UGT3A2: variants seen among roughly 807,000 people sequenced by gnomAD.
The protein encoded by UGT3A2 is UDP glycosyltransferase family 3 member A2.
Under a neutral mutation model 39.8 loss-of-function variants are expected in UGT3A2, and 32 were observed. The ratio of observed to expected loss-of-function variants is 0.80; its 90% CI spans 0.61 to 1.08. The LOEUF (loss-of-function observed/expected upper bound fraction) is 1.08. UGT3A2 is among the 50% of genes least tolerant of loss of function. The pLI is 0.00. For missense variants in UGT3A2, 611 were observed against 637.1 expected, an observed-to-expected ratio of 0.96 and a Z score of 0.44; for synonymous variants, 241 against 230.7, an observed-to-expected ratio of 1.04 and a Z score of -0.40.
chr5:36,055,581 T>G (rs996966092), intron 2 of UGT3A2, among the ~76,000 whole-genome samples: 1 of 152,174 alleles, frequency 6.6e-6, no homozygotes, highest in Admixed American at 6.5e-5. Flanking sequence ...AGTGTCTAGA[T>G]GTTCACCTCA....
At chr5:36,061,002 A>C (rs1445413778) in intron 2 of UGT3A2, among the ~76,000 whole-genome samples, 1 of 151,728 alleles carries the variant, frequency 6.6e-6, no homozygotes. Flanking sequence ...CTAAAAATAC[A>C]AAAAAATTAG....
rs1338252056 is a variant in UGT3A2 at position 36,048,913 on chromosome 5, T to G, written c.819A>C (p.Glu273Asp). Residue 273 changes from glutamate (E) to aspartate (D), a missense_variant, in exon 4 of 7, where the codon GAA becomes GAC. Physicochemically the swap from Glu to Asp is conservative, Grantham distance 45 (BLOSUM62 2). Transcript: ENST00000282507. Reference protein sequence around the residue: ...PNTVYVGGLMEKPIKPVPQDL... With the variant: ...PNTVYVGGLMDKPIKPVPQDL... ...CTTGTGGTACTGGTTTAATAGGTTT[T>G]TCCATCAAGCCTCCAACATAAACAG... 1.2e-6 allele frequency: 2 copies of G among 1,613,952 alleles called. No individual in the cohort carries two copies. The highest frequency in any genetic ancestry group is 1.7e-6 in the Non-Finnish European group (2 of 1,179,970).
At chr5:36,051,838 C>A in intron 3 of UGT3A2, 32 bp downstream of exon 3, 13 of 1,493,030 alleles carry the variant, frequency 8.7e-6, no homozygotes, top group Non-Finnish European at 1.2e-5. Flanking sequence ...AAAATGGTGA[C>A]CTTTTTGTTC....
intron 2 of UGT3A2, among the ~76,000 whole-genome samples, chr5:36,053,802 T>G (rs1292499859): frequency 6.6e-6 from 1 of 152,226 alleles, no homozygotes; most frequent in Non-Finnish European, 1.5e-5. Flanking sequence ...ATCCATTTTC[T>G]TGCCTTTTCC....
intron 6 of UGT3A2, among the ~76,000 whole-genome samples, chr5:36,036,908 T>G (rs2111684391): frequency 6.6e-6 from 1 of 152,362 alleles, no homozygotes; most frequent in African/African-American, 2.4e-5. Context: ...ATGAGATCAC[T>G]GTGCTGGATA....
In UGT3A2 at chr5:36,050,091, GTTA is replaced by G. The variant is rs376432597; in HGVS notation, c.312-674_312-672del. On this transcript the variant is annotated intron_variant, in intron 3 of 6. Transcript: ENST00000282507. ...ATTCCTTTATTATTGACTTTTATTCGTTATTGTTATTTTACATATTTTATATAT... is the reference window on the plus strand; with the variant it reads ...ATTCCTTTATTATTGACTTTTATTCGTTGTTATTTTACATATTTTATATAT... 9.6e-3 allele frequency among the ~76,000 whole-genome samples: 1,435 copies of G among 149,314 alleles called. 11 individuals carry two copies. Among genetic ancestry groups the G allele is most frequent in the African/African-American group, 0.033 (1,347 of 40,952 alleles).
chr5:36,061,425 G>A (rs868234685), intron 2 of UGT3A2, among the ~76,000 whole-genome samples: 2,594 of 126,512 alleles, frequency 0.021, 71 homozygotes, highest in African/African-American at 0.077. Flanking sequence ...AGAGTGTGAT[G>A]TTCCCCTTCC....
intron 3 of UGT3A2, 44 bp downstream of exon 3, chr5:36,051,825 AT>A (rs1378077580): frequency 7.1e-7 from 1 of 1,409,286 alleles, no homozygotes; most frequent in East Asian, 2.3e-5. Flanking sequence ...CATTTGTATT[AT>A]GAAAATGGTG....
At position 36,051,274 on chromosome 5, in the gene UGT3A2, G is replaced by A. The variant is rs553906522; in HGVS notation, c.311+596C>T. On this transcript the variant is annotated intron_variant, in intron 3 of 6. Coordinates refer to ENST00000282507, the MANE Select transcript of UGT3A2 (RefSeq NM_174914.4). ...CCTCTTTTATGTCTAAGATTAAAAA[G>A]TTATGTGTTCCTTCCCATCGAGATT... 2.6e-5 allele frequency among the ~76,000 whole-genome samples: 4 copies of A among 152,228 alleles called. No homozygotes were observed. In the East Asian group the frequency reaches 7.7e-4, roughly 29 times the overall value.
At chr5:36,045,480 C>A (rs1742138803) in intron 4 of UGT3A2, among the ~76,000 whole-genome samples, 1 of 151,884 alleles carries the variant, frequency 6.6e-6, no homozygotes, top group Non-Finnish European at 1.5e-5. Flanking sequence ...GTAATCCCAG[C>A]TGCTCGGGAG....
chr5:36,050,085 T>A (rs1036185707), intron 3 of UGT3A2, among the ~76,000 whole-genome samples: 1 of 150,236 alleles, frequency 6.7e-6, no homozygotes, highest in Non-Finnish European at 1.5e-5. Flanking sequence ...TTATTGACTT[T>A]TATTCGTTAT....
intron 4 of UGT3A2, 141 bp downstream of exon 4, chr5:36,048,748 C>T (rs1742243493): frequency 8.0e-7 from 1 of 1,244,872 alleles, no homozygotes; most frequent in Non-Finnish European, 1.1e-6. Context: ...AAACTCATCA[C>T]TTCCTTTAAA....
intron 3 of UGT3A2, 45 bp from the exon 4 acceptor site, chr5:36,049,465 T>C (rs764272205): frequency 5.7e-6 from 8 of 1,404,070 alleles, no homozygotes; most frequent in Middle Eastern, 1.8e-4. Flanking sequence ...AAGTGTTAAA[T>C]TTACAGTACA....
In UGT3A2 at chr5:36,046,934, C is replaced by G. The variant is rs552189538; in HGVS notation, c.843+1955G>C. Among the ~76,000 whole-genome samples the G allele has an allele frequency of 2.6e-5, 4 of 152,248 alleles. No individual in the cohort carries two copies. The East Asian group carries it at 7.7e-4, about 29-fold the overall frequency. On this transcript the variant is annotated intron_variant, in intron 4 of 6. Coordinates refer to ENST00000282507, the MANE Select transcript of UGT3A2 (RefSeq NM_174914.4). ...GAAAGGAAAATAAATCTCAGGATCCCCAAATCTAAGCCAAAGAGAAAAGTC... is the reference window on the plus strand; with the variant it reads ...GAAAGGAAAATAAATCTCAGGATCCGCAAATCTAAGCCAAAGAGAAAAGTC...
chr5:36,058,370 G>A (rs1284623957), intron 2 of UGT3A2, among the ~76,000 whole-genome samples: 1 of 152,138 alleles, frequency 6.6e-6, no homozygotes, highest in Admixed American at 6.5e-5. Context: ...AAGGTGGAGG[G>A]TAATGGGGCG....
At position 36,039,487 on chromosome 5, in the gene UGT3A2, A is replaced by G; in HGVS notation, c.1065T>C (p.Ser355=). ...NVKIVDWLPQ[S]DLLAHPSIRL... is the part of the protein sequence containing the mutation. ...CTGGGCAGCCCTTACCCAGGAGGTC[A>G]CTCTGAGGAAGCCAGTCCACAATTT... The change falls in exon 5 of 7, where the codon AGT becomes AGC. Residue 355 remains serine, a synonymous_variant. Transcript: ENST00000282507. 1.2e-6 allele frequency: 2 copies of G among 1,613,978 alleles called. No individual in the cohort carries two copies.
At chr5:36,047,157 C>G (rs1420347781) in intron 4 of UGT3A2, among the ~76,000 whole-genome samples, 2 of 152,182 alleles carry the variant, frequency 1.3e-5, no homozygotes, top group African/African-American at 4.8e-5. Context: ...TACCTATGAC[C>G]TAGAATCCCC....
intron 2 of UGT3A2, among the ~76,000 whole-genome samples, chr5:36,062,445 T>C (rs1742736414): frequency 6.6e-6 from 1 of 152,128 alleles, no homozygotes; most frequent in Non-Finnish European, 1.5e-5. Flanking sequence ...GGATCCAGTT[T>C]CAGCTTTCTA....
At chr5:36,045,668 T>G (rs1384079251) in intron 4 of UGT3A2, among the ~76,000 whole-genome samples, 1 of 151,828 alleles carries the variant, frequency 6.6e-6, no homozygotes, top group Non-Finnish European at 1.5e-5. Flanking sequence ...GACCTCAAGC[T>G]ATTAAACTAC....
Sources: gnomAD v4.1 joint callset for allele counts (sites outside exome capture counted in the v4.1 genomes callset) on GRCh38, gnomAD v4.1.1 for gene constraint, MANE v1.5 for transcripts, NCBI Gene and HGNC (gene_info 2026-07-23, HGNC 2026-07-21) for gene names.